Variants in RYR2 observed in about 807,000 individuals in gnomAD.
The protein encoded by RYR2 is cardiac muscle ryanodine receptor-calcium release channel.
Under a neutral mutation model 601.1 loss-of-function variants are expected in RYR2, and 227 were observed. The ratio of observed to expected loss-of-function variants is 0.38; its 90% CI spans 0.34 to 0.42. The LOEUF (loss-of-function observed/expected upper bound fraction) is 0.42. RYR2 is among the 10% of genes least tolerant of loss of function. The pLI, the probability that RYR2 is intolerant of heterozygous loss-of-function variation, is 1.00. For missense variants in RYR2, 4,646 were observed against 6,156.5 expected (o/e 0.75, Z 8.21); for synonymous variants, 2,223 against 2,175.1 (o/e 1.02, Z -0.61).
At chr1:237,240,471 T>C (rs1389469743) in intron 1 of RYR2, among the ~76,000 whole-genome samples, 1 of 152,098 alleles carries the variant, frequency 6.6e-6, no homozygotes, top group Non-Finnish European at 1.5e-5. Flanking sequence ...ATACTGTTCA[T>C]GGTCCTGTTT....
intron 56 of RYR2, among the ~76,000 whole-genome samples, chr1:237,666,144 G>C (rs1204406658): frequency 6.6e-6 from 1 of 152,084 alleles, no homozygotes; most frequent in Non-Finnish European, 1.5e-5. Context: ...AAATATTGAC[G>C]TCTTTGATTA....
Position 237,733,776 on chromosome 1 carries a change from G to T in RYR2, c.11091+20G>T. On this transcript the variant is annotated intron_variant, in intron 79 of 104. Coordinates refer to ENST00000366574, the MANE Select transcript of RYR2 (RefSeq NM_001035.3). ...GCAAAGGTAAATAAGTATCCTTCCT[G>T]ATTTTCATGTTTAATTTTAATAAAG... 1.3e-6 allele frequency: 2 copies of T among 1,500,832 alleles called. No individual in the cohort carries two copies. Among genetic ancestry groups the T allele is most frequent in the Non-Finnish European group, 1.9e-6 (2 of 1,079,014 alleles). 93.0% of individuals were successfully genotyped at this position (1,500,832 alleles called of 1,614,324 possible).
At chr1:237,470,687 G>T (rs1425236295) in intron 17 of RYR2, among the ~76,000 whole-genome samples, 2 of 152,152 alleles carry the variant, frequency 1.3e-5, no homozygotes, top group African/African-American at 4.8e-5. Context: ...CCAAATAAGT[G>T]GTACTGAAGC....
intron 19 of RYR2, among the ~76,000 whole-genome samples, chr1:237,495,043 C>T (rs113692544): frequency 0.013 from 2,002 of 152,234 alleles, 50 homozygotes; most frequent in African/African-American, 0.045. Flanking sequence ...CCCGCCTTAG[C>T]CTCCCAAAGT....
intron 1 of RYR2, among the ~76,000 whole-genome samples, chr1:237,219,327 T>C (rs1302455016): frequency 6.6e-6 from 1 of 152,166 alleles, no homozygotes; most frequent in Non-Finnish European, 1.5e-5. Flanking sequence ...CTATACTTTA[T>C]GTTAATCCGT....
intron 12 of RYR2, among the ~76,000 whole-genome samples, chr1:237,440,352 A>T (rs778442587): frequency 6.6e-6 from 1 of 152,248 alleles, no homozygotes; most frequent in Non-Finnish European, 1.5e-5. Context: ...CGTAAAGTAA[A>T]TTAACAAGGA....
chr1:237,702,530 G>GT (rs1329001577), intron 66 of RYR2, among the ~76,000 whole-genome samples: 5 of 152,074 alleles, frequency 3.3e-5, no homozygotes, highest in Non-Finnish European at 7.4e-5. Context: ...GGCAACTTTA[G>GT]TAAGAAATTT....
chr1:237,192,467 G>A (rs1448065595), intron 1 of RYR2, among the ~76,000 whole-genome samples: 2 of 152,172 alleles, frequency 1.3e-5, no homozygotes, highest in Non-Finnish European at 1.5e-5. Flanking sequence ...CACCGGCCTC[G>A]GCCTCCCGAA....
intron 89 of RYR2, among the ~76,000 whole-genome samples, chr1:237,783,192 T>G (rs1291695155): frequency 1.3e-5 from 2 of 151,342 alleles, no homozygotes; most frequent in African/African-American, 4.9e-5. Context: ...TAAGTCACAA[T>G]GGGCCCATTA....
At chr1:237,350,589 AAAAAAAAAAAAAAATATATATATATATAT>A (rs1437932678) in intron 3 of RYR2, among the ~76,000 whole-genome samples, 1 of 102,218 alleles carries the variant, frequency 9.8e-6, no homozygotes, top group African/African-American at 4.0e-5. Context: ...AAAAAAAAAA[AAAAAAAAAAAAAAATATATATATATATAT>A]ATATATATAT....
intron 1 of RYR2, among the ~76,000 whole-genome samples, chr1:237,233,181 C>G (rs1685173846): frequency 6.6e-6 from 1 of 152,134 alleles, no homozygotes; most frequent in South Asian, 2.1e-4. Flanking sequence ...GAGAAAATAC[C>G]CTGAGATAAT....
At chr1:237,794,127 A>T (rs1344492168) in intron 95 of RYR2, 130 bp downstream of exon 95, 2 of 768,254 alleles carry the variant, frequency 2.6e-6, no homozygotes, top group Non-Finnish European at 4.1e-6. Context: ...AGCCAAGAAA[A>T]ATCTAAAGAC....
intron 80 of RYR2, among the ~76,000 whole-genome samples, chr1:237,755,680 C>T (rs1354605772): frequency 1.3e-5 from 2 of 152,168 alleles, no homozygotes; most frequent in Non-Finnish European, 2.9e-5. Context: ...CATGCAGTAT[C>T]GTTTGTTACC....
intron 3 of RYR2, among the ~76,000 whole-genome samples, chr1:237,339,055 T>A (rs1056655807): frequency 1.3e-5 from 2 of 152,198 alleles, no homozygotes; most frequent in Non-Finnish European, 2.9e-5. Flanking sequence ...AGTCTCTGTA[T>A]AAGTCTTCTG....
At chr1:237,043,757 AAAAC>A (rs771009602) in intron 1 of RYR2, among the ~76,000 whole-genome samples, 50 of 152,096 alleles carry the variant, frequency 3.3e-4, no homozygotes, top group Admixed American at 2.0e-4. Context: ...AAAACAAAAC[AAAAC>A]AAACAAACAA....
intron 1 of RYR2, among the ~76,000 whole-genome samples, chr1:237,208,653 C>T (rs760374589): frequency 1.8e-4 from 28 of 151,916 alleles, no homozygotes; most frequent in Non-Finnish European, 3.2e-4. Context: ...GAAATGACGA[C>T]CAAAACCAAG....
chr1:237,385,366 A>G lies in RYR2; in HGVS notation c.577-1915A>G, dbSNP rs112766011. Among the ~76,000 whole-genome samples, 101 of 152,310 alleles carry G rather than the reference A, an allele frequency of 6.6e-4. 1 individual carries two copies. The highest frequency in any genetic ancestry group is 2.3e-3 in the African/African-American group (96 of 41,578). On this transcript the variant is annotated intron_variant, in intron 8 of 104. Transcript: ENST00000366574. Reference sequence around the variant, plus strand: ...AATGTTTGAGGTGATAGATATCTCAATTACCCTGATATGATCACTGCACAT... The same window carrying G: ...AATGTTTGAGGTGATAGATATCTCAGTTACCCTGATATGATCACTGCACAT...
intron 8 of RYR2, among the ~76,000 whole-genome samples, chr1:237,382,001 A>G (rs2149814050): frequency 6.6e-6 from 1 of 152,348 alleles, no homozygotes; most frequent in South Asian, 2.1e-4. Context: ...AATAGAAAAA[A>G]CATGGCCAAG....
At chr1:237,791,854 C>A (rs1212485657) in intron 93 of RYR2, 2 of 573,652 alleles carry the variant, frequency 3.5e-6, no homozygotes, top group East Asian at 2.8e-5. Flanking sequence ...AGAGCTTAGC[C>A]ATCTAATTTT....
Sources: allele counts gnomAD v4.1 joint callset (sites outside exome capture counted in the v4.1 genomes callset), GRCh38; gene constraint gnomAD v4.1.1; transcripts MANE v1.5; gene names NCBI Gene and HGNC (gene_info 2026-07-23, HGNC 2026-07-21).